SLC36A4: variants seen among roughly 807,000 people sequenced by gnomAD.
SLC36A4 encodes solute carrier family 36 member 4, also known as neutral amino acid uniporter 4.
Under a neutral mutation model 50.5 loss-of-function variants are expected in SLC36A4, and 49 were observed. That is an observed-to-expected ratio of 0.97 (90% CI 0.77 to 1.23). The LOEUF (loss-of-function observed/expected upper bound fraction) is 1.23, where lower values mean the gene tolerates loss of function less well. Ranked by LOEUF, SLC36A4 falls within the 50% of genes most tolerant of loss-of-function variation. The pLI, the probability that SLC36A4 is intolerant of heterozygous loss-of-function variation, is 0.00. For synonymous variants in SLC36A4, 207 were observed against 206.5 expected, an observed-to-expected ratio of 1.00 and a Z score of -0.02; for missense variants, 611 against 608.4, an observed-to-expected ratio of 1.00 and a Z score of -0.05.
At chr11:93,161,188 A>G (rs1045428212) in intron 9 of SLC36A4, among the ~76,000 whole-genome samples, 3 of 152,176 alleles carry the variant, frequency 2.0e-5, no homozygotes, top group Non-Finnish European at 4.4e-5. Context: ...TTTTCCAAAC[A>G]TTGTACAGTA....
chr11:93,189,822 T>C (rs925132238), intron 1 of SLC36A4, among the ~76,000 whole-genome samples: 1 of 152,200 alleles, frequency 6.6e-6, no homozygotes, highest in African/African-American at 2.4e-5. Flanking sequence ...TTAACAACAA[T>C]ATGAACTCTA....
At chr11:93,185,228 T>G (rs1194859208) in intron 2 of SLC36A4, 2 of 152,474 alleles carry the variant, frequency 1.3e-5, no homozygotes, top group African/African-American at 4.8e-5. Context: ...TCAGTTTATA[T>G]TCTTCTTTTC....
intron 6 of SLC36A4, among the ~76,000 whole-genome samples, chr11:93,176,964 C>T (rs368543152): frequency 3.0e-4 from 46 of 152,068 alleles, no homozygotes; most frequent in South Asian, 4.2e-4. Context: ...ACCTTTGTGG[C>T]GTTCTCTGTA....
At chr11:93,156,688 C>T (rs949957517) in intron 9 of SLC36A4, among the ~76,000 whole-genome samples, 34 of 151,926 alleles carry the variant, frequency 2.2e-4, no homozygotes, top group African/African-American at 7.5e-4. Flanking sequence ...AAGCCCTTTG[C>T]CCACTTTTTA....
At chr11:93,185,902 AC>A in intron 1 of SLC36A4, 88 bp from the exon 2 acceptor site, 1 of 1,145,058 alleles carries the variant, frequency 8.7e-7, no homozygotes, top group Non-Finnish European at 1.2e-6. Flanking sequence ...ATTAGGAAAC[AC>A]CATTTGTACT....
chr11:93,168,286 G>T, intron 6 of SLC36A4, 115 bp from the exon 7 acceptor site: 1 of 484,018 alleles, frequency 2.1e-6, no homozygotes, highest in Non-Finnish European at 3.6e-6. Context: ...AAATTCCTAT[G>T]ATATATTTTA....
chr11:93,167,592 T>C (rs1860934667), intron 7 of SLC36A4: 1 of 173,074 alleles, frequency 5.8e-6, no homozygotes, highest in Non-Finnish European at 1.2e-5. Context: ...ATTGCATATA[T>C]ATATATTAAT....
chr11:93,173,533 C>G (rs1861288749), intron 6 of SLC36A4, among the ~76,000 whole-genome samples: 2 of 148,642 alleles, frequency 1.3e-5, no homozygotes, highest in African/African-American at 5.0e-5. Context: ...TGCCTATGTC[C>G]TGAACGGTAA....
chr11:93,148,597 G>A lies in SLC36A4; in HGVS notation c.1455C>T (p.Gly485=), dbSNP rs1202360397. The change falls in exon 11 of 11, where the codon GGC becomes GGT. Residue 485 remains glycine (G), a synonymous_variant. Transcript: ENST00000326402. ...IIYPTPKVVA[G]TPQSPFLNLN... is the part of the protein sequence containing the mutation. ...AATTTAGAAAAGGACTCTGTGGAGT[G>A]CCAGCTACAACTTTGGGAGTAGGAT... 4 of 1,612,620 alleles carry A rather than the reference G, an allele frequency of 2.5e-6. No individual in the cohort carries two copies. The highest frequency in any genetic ancestry group is 1.1e-5 in the South Asian group (1 of 91,004).
At chr11:93,175,970 G>A in intron 6 of SLC36A4, among the ~76,000 whole-genome samples, 1 of 134,496 alleles carries the variant, frequency 7.4e-6, no homozygotes, top group African/African-American at 2.8e-5. Context: ...AGGTCCGCTT[G>A]GTGCAGAGCT....
intron 6 of SLC36A4, among the ~76,000 whole-genome samples, chr11:93,177,408 T>G (rs890033550): frequency 1.3e-5 from 2 of 152,220 alleles, no homozygotes; most frequent in Non-Finnish European, 2.9e-5. Context: ...CTCCTTTAGC[T>G]TGAAGAAGTT....
intron 7 of SLC36A4, chr11:93,167,447 C>T (rs1303831728): frequency 1.3e-5 from 2 of 152,130 alleles, no homozygotes; most frequent in African/African-American, 2.4e-5. Flanking sequence ...GGTTAAGAAT[C>T]CCCAGACTAT....
At chr11:93,165,044 A>T (rs1486292313) in intron 8 of SLC36A4, among the ~76,000 whole-genome samples, 1 of 152,206 alleles carries the variant, frequency 6.6e-6, no homozygotes, top group African/African-American at 2.4e-5. Context: ...AGTTACGTTT[A>T]CAACAGCAAT....
At chr11:93,154,450 A>G in intron 9 of SLC36A4, 173 bp from the exon 10 acceptor site, 1 of 344,990 alleles carries the variant, frequency 2.9e-6, no homozygotes, top group Non-Finnish European at 5.2e-6. Flanking sequence ...CTAAATTTCT[A>G]GATGATACAA....
At chr11:93,176,853 C>G (rs1861499237) in intron 6 of SLC36A4, among the ~76,000 whole-genome samples, 1 of 152,160 alleles carries the variant, frequency 6.6e-6, no homozygotes, top group Non-Finnish European at 1.5e-5. Context: ...TTGCAGGTAA[C>G]CTGACCTTTC....
At chr11:93,194,167 A>G (rs1862326899) in intron 1 of SLC36A4, among the ~76,000 whole-genome samples, 1 of 152,120 alleles carries the variant, frequency 6.6e-6, no homozygotes, top group East Asian at 1.9e-4. Context: ...CAGAATATAG[A>G]CGGACAATTG....
chr11:93,170,469 T>C (rs1432919921), intron 6 of SLC36A4, among the ~76,000 whole-genome samples: 1 of 152,030 alleles, frequency 6.6e-6, no homozygotes, highest in East Asian at 1.9e-4. Flanking sequence ...ACAATAAGTT[T>C]ATGAGAAACA....
chr11:93,184,644 T>C, intron 2 of SLC36A4, 124 bp from the exon 3 acceptor site: 1 of 615,112 alleles, frequency 1.6e-6, no homozygotes. Context: ...AACATTTCCA[T>C]CCCACCACTG....
chr11:93,165,744 C>A (rs1409449736), intron 8 of SLC36A4, among the ~76,000 whole-genome samples, 174 bp downstream of exon 8: 1 of 151,930 alleles, frequency 6.6e-6, no homozygotes, highest in Admixed American at 6.6e-5. Flanking sequence ...ACATTAAGTT[C>A]TTTGTTAATG....
Sources: allele counts gnomAD v4.1 joint callset (sites outside exome capture counted in the v4.1 genomes callset), GRCh38; gene constraint gnomAD v4.1.1; transcripts MANE v1.5; gene names NCBI Gene and HGNC (gene_info 2026-07-23, HGNC 2026-07-21).